The following KCNIP4 variants were observed in gnomAD, a reference collection of about 807,000 sequenced individuals.
KCNIP4 encodes potassium voltage-gated channel interacting protein 4, also known as Kv channel-interacting protein 4.
KCNIP4 carries 12 observed loss-of-function variants against 34.0 expected under a neutral mutation model. That is an observed-to-expected ratio of 0.35 (90% CI 0.23 to 0.57). KCNIP4 has a LOEUF of 0.57. KCNIP4 is among the 20% of genes least tolerant of loss of function. The pLI, the probability that KCNIP4 is intolerant of heterozygous loss-of-function variation, is 0.83. For missense variants in KCNIP4, 238 were observed against 311.7 expected, an observed-to-expected ratio of 0.76 and a Z score of 1.78; for synonymous variants, 124 against 102.2, an observed-to-expected ratio of 1.21 and a Z score of -1.29.
Position 20,840,727 on chromosome 4 carries a change from C to G in KCNIP4, c.288+9816G>C, listed in dbSNP as rs372029683. On this transcript the variant is annotated intron_variant, in intron 3 of 8. Coordinates refer to ENST00000382152, the MANE Select transcript of KCNIP4 (RefSeq NM_025221.6). ...GATTAGGAAATGAAAGAGAAACAAA[C>G]ATTTTTTTGTCTTAAACCACTGAGT... Among the ~76,000 whole-genome samples, 158 of 152,258 alleles carry G rather than the reference C, an allele frequency of 1.0e-3. 1 individual carries two copies. Among genetic ancestry groups the G allele is most frequent in the African/African-American group, 3.5e-3 (147 of 41,570 alleles).
intron 1 of KCNIP4, among the ~76,000 whole-genome samples, chr4:21,177,015 A>C (rs1051107749): frequency 3.3e-5 from 5 of 152,348 alleles, no homozygotes; most frequent in South Asian, 2.1e-4. Context: ...ATTAAACAGG[A>C]TCTACTTTGG....
At chr4:21,135,018 T>C (rs1333397621) in intron 1 of KCNIP4, among the ~76,000 whole-genome samples, 1 of 152,156 alleles carries the variant, frequency 6.6e-6, no homozygotes, top group Non-Finnish European at 1.5e-5. Context: ...AACATGACAA[T>C]CTAGCTACAA....
At chr4:21,870,761 C>A (rs751793018) in intron 1 of KCNIP4, among the ~76,000 whole-genome samples, 1 of 152,128 alleles carries the variant, frequency 6.6e-6, no homozygotes, top group Non-Finnish European at 1.5e-5. Context: ...AGCCCACCAA[C>A]AACATATTAT....
At chr4:20,919,307 G>A (rs1235048736) in intron 1 of KCNIP4, among the ~76,000 whole-genome samples, 7 of 151,910 alleles carry the variant, frequency 4.6e-5, no homozygotes, top group Non-Finnish European at 1.0e-4. Flanking sequence ...GGTATTCCAC[G>A]AATGTGTGTG....
intron 1 of KCNIP4, among the ~76,000 whole-genome samples, chr4:21,727,566 T>G (rs1005547134): frequency 6.6e-6 from 1 of 152,116 alleles, no homozygotes; most frequent in Non-Finnish European, 1.5e-5. Flanking sequence ...TGGTGGCTCA[T>G]GTCTGTAATC....
Position 21,933,270 on chromosome 4 carries a change from C to T in KCNIP4, c.61+15301G>A, listed in dbSNP as rs146998309. Among the ~76,000 whole-genome samples the T allele has an allele frequency of 1.2e-3, 183 of 152,006 alleles. 1 individual carries two copies. The highest frequency in any genetic ancestry group is 4.1e-3 in the African/African-American group (170 of 41,484). ...TAAAACCTGTGATCACTTCTCATTG[C>T]TCTTAAAATAAAGTCCAAATATTTA... On this transcript the variant is annotated intron_variant, in intron 1 of 8. Transcript: ENST00000382152.
At chr4:21,794,986 A>G (rs1720531029) in intron 1 of KCNIP4, among the ~76,000 whole-genome samples, 1 of 152,146 alleles carries the variant, frequency 6.6e-6, no homozygotes, top group African/African-American at 2.4e-5. Flanking sequence ...GATTACCCTC[A>G]AGTACTCAGC....
intron 3 of KCNIP4, among the ~76,000 whole-genome samples, chr4:20,768,450 T>C (rs977544882): frequency 2.0e-5 from 3 of 152,104 alleles, no homozygotes; most frequent in African/African-American, 7.2e-5. Flanking sequence ...TAGTCAAAAA[T>C]TGGATTCTAA....
At chr4:21,608,110 T>C (rs1697944507) in intron 1 of KCNIP4, among the ~76,000 whole-genome samples, 1 of 152,194 alleles carries the variant, frequency 6.6e-6, no homozygotes, top group Admixed American at 6.5e-5. Flanking sequence ...TGGTCCTTAT[T>C]ACAGACATTT....
At chr4:21,364,743 A>G (rs80256685) in intron 1 of KCNIP4, among the ~76,000 whole-genome samples, 4,748 of 152,284 alleles carry the variant, frequency 0.031, 95 homozygotes, top group Non-Finnish European at 0.049. Context: ...GGACACACAA[A>G]CCAAATTAAC....
At chr4:21,153,515 G>GTATATATATATATATATATA in intron 1 of KCNIP4, among the ~76,000 whole-genome samples, 1 of 140,902 alleles carries the variant, frequency 7.1e-6, no homozygotes, top group South Asian at 2.3e-4. Flanking sequence ...ATGTGTGTGT[G>GTATATATATATATATATATA]TATATATATA....
At chr4:20,904,223 A>AT (rs796717973) in intron 1 of KCNIP4, among the ~76,000 whole-genome samples, 36 of 152,116 alleles carry the variant, frequency 2.4e-4, no homozygotes, top group African/African-American at 8.4e-4. Context: ...TCATCCAGAG[A>AT]TGAGATACAA....
Position 20,976,232 on chromosome 4 carries a change from C to T in KCNIP4, c.62-93523G>A, listed in dbSNP as rs560327861. Among the ~76,000 whole-genome samples the T allele has an allele frequency of 8.5e-5, 13 of 152,194 alleles. 1 individual carries two copies. Among genetic ancestry groups the T allele is most frequent in the African/African-American group, 2.9e-4 (12 of 41,538 alleles). On this transcript the variant is annotated intron_variant, in intron 1 of 8. Coordinates refer to ENST00000382152, the MANE Select transcript of KCNIP4 (RefSeq NM_025221.6). ...ACCCATTAGAAATGTGAATTATGACCCCAACCCCAGATTTACTGAATTGGA... is the reference window on the plus strand; with the variant it reads ...ACCCATTAGAAATGTGAATTATGACTCCAACCCCAGATTTACTGAATTGGA...
chr4:21,909,067 T>C (rs1728157580), intron 1 of KCNIP4, among the ~76,000 whole-genome samples: 1 of 151,724 alleles, frequency 6.6e-6, no homozygotes, highest in Non-Finnish European at 1.5e-5. Flanking sequence ...AAATACAGAG[T>C]AAATGTTCAG....
chr4:21,677,937 A>G (rs1475616127), intron 1 of KCNIP4, among the ~76,000 whole-genome samples: 1 of 152,134 alleles, frequency 6.6e-6, no homozygotes, highest in Non-Finnish European at 1.5e-5. Context: ...TTTTTAGTAG[A>G]GACGGGGTTT....
chr4:21,519,528 A>ATGTGTATGTGTATATACACATATG lies in KCNIP4; in HGVS notation c.61+429019_61+429042dup, dbSNP rs1735188686. ...TATGTGTATATACACATATGTGTGT[A>ATGTGTATGTGTATATACACATATG]TGTGTATGTGTATATACACATATGT... is the stretch of plus-strand genomic sequence containing the variant. On this transcript the variant is annotated intron_variant, in intron 1 of 8. Transcript: ENST00000382152. Among the ~76,000 whole-genome samples the ATGTGTATGTGTATATACACATATG allele has an allele frequency of 1.2e-4, 7 of 58,912 alleles. 1 individual carries two copies. The highest frequency in any genetic ancestry group is 1.7e-4 in the Non-Finnish European group (5 of 29,564). 38.6% of individuals were successfully genotyped at this position (58,912 alleles called of 152,430 possible).
intron 1 of KCNIP4, among the ~76,000 whole-genome samples, chr4:21,312,813 T>C (rs1713330186): frequency 6.6e-6 from 1 of 152,200 alleles, no homozygotes; most frequent in Admixed American, 6.5e-5. Context: ...CTGCATCACT[T>C]CATAACCTAG....
intron 1 of KCNIP4, among the ~76,000 whole-genome samples, chr4:21,115,639 C>A (rs1255192780): frequency 6.6e-6 from 1 of 152,022 alleles, no homozygotes; most frequent in Non-Finnish European, 1.5e-5. Context: ...ATACCTAATT[C>A]AAAAGATTTC....
At position 20,902,405 on chromosome 4, in the gene KCNIP4, C is replaced by T. The variant is rs191763642; in HGVS notation, c.62-19696G>A. 7.2e-5 allele frequency among the ~76,000 whole-genome samples: 11 copies of T among 152,190 alleles called. No individual in the cohort carries two copies. In the East Asian group the frequency reaches 9.7e-4, roughly 13 times the overall value. The stretch of plus-strand genomic sequence containing the variant: ...AGGGTCAGCTGAAAACAAGGAGCCA[C>T]GGCATACCCAGTTTAGTTCTCTAGC... On this transcript the variant is annotated intron_variant, in intron 1 of 8. Transcript: ENST00000382152.
Sources: allele counts gnomAD v4.1 joint callset (sites outside exome capture counted in the v4.1 genomes callset), GRCh38; gene constraint gnomAD v4.1.1; transcripts MANE v1.5; gene names NCBI Gene and HGNC (gene_info 2026-07-23, HGNC 2026-07-21).